KLHL13: variants seen among roughly 807,000 people sequenced by gnomAD.
KLHL13 encodes kelch like family member 13, also known as kelch-like protein 13.
In KLHL13, 10 loss-of-function variants were observed where a neutral mutation model predicts 37.1. The observed-to-expected ratio is 0.27, with a 90% CI of 0.17 to 0.46. The LOEUF is 0.46. KLHL13 is among the 20% of genes least tolerant of loss of function. KLHL13 has a pLI of 1.00. For synonymous variants in KLHL13, 163 were observed against 181.2 expected (o/e 0.90, Z 0.81); for missense variants, 360 against 509.3 (o/e 0.71, Z 2.82).
At chrX:118,116,613 G>GGCACCA (rs1163824981) in exon 1 of KLHL13, 1 of 111,948 alleles carries the variant, frequency 8.9e-6, no homozygotes, top group Non-Finnish European at 1.9e-5. Flanking sequence ...CCTGCTGCGA[G>GGCACCA]GCACCAGCAC....
At chrX:117,954,749 G>T (rs1446291073) in intron 1 of KLHL13, among the ~76,000 whole-genome samples, 1 of 112,108 alleles carries the variant, frequency 8.9e-6, no homozygotes, top group Non-Finnish European at 1.9e-5. Context: ...GTGCACAGAG[G>T]AAATAGTTAC....
At position 117,959,326 on chromosome X, in the gene KLHL13, C is replaced by T. The variant is rs986045188; in HGVS notation, c.98+13405G>A. ...TGATGCTAAGGGGTTATCTATTGGA[C>T]AATGATTCACAATTTAGTGTCATCC... On this transcript the variant is annotated intron_variant, in intron 1 of 6. Transcript: ENST00000262820. Among the ~76,000 whole-genome samples the T allele has an allele frequency of 2.7e-5, 3 of 111,754 alleles. No homozygotes were observed. In the Admixed American group the frequency reaches 2.9e-4, roughly 11 times the overall value.
intron 1 of KLHL13, among the ~76,000 whole-genome samples, chrX:118,112,934 C>T (rs915392880): frequency 1.8e-5 from 2 of 112,118 alleles, no homozygotes; most frequent in Non-Finnish European, 3.8e-5. Context: ...CTTAAAATTC[C>T]AAAGGCCCTT....
At chrX:118,081,986 A>ATCAGCTTTTCTTTATCCAG (rs1157748191) in intron 1 of KLHL13, among the ~76,000 whole-genome samples, 6 of 107,942 alleles carry the variant, frequency 5.6e-5, no homozygotes, top group African/African-American at 1.7e-4. Flanking sequence ...GTATACATAT[A>ATCAGCTTTTCTTTATCCAG]TCAGCTTTTC....
chrX:117,923,365 G>A (rs1931828899), intron 2 of KLHL13, among the ~76,000 whole-genome samples: 2 of 112,148 alleles, frequency 1.8e-5, no homozygotes, highest in Non-Finnish European at 3.8e-5. Flanking sequence ...CTAATGAGAT[G>A]AGTCTAGGTA....
chrX:118,106,067 A>AT (rs1228266636), intron 1 of KLHL13, among the ~76,000 whole-genome samples: 7,193 of 86,388 alleles, frequency 0.083, 316 homozygotes, highest in Middle Eastern at 0.16. Context: ...ACGCCCAGCT[A>AT]TTTTTTTTTT....
chrX:117,980,260 T>C (rs1184505632), intron 1 of KLHL13, among the ~76,000 whole-genome samples: 2 of 111,854 alleles, frequency 1.8e-5, no homozygotes, highest in African/African-American at 3.2e-5. Context: ...GCATATCACA[T>C]ACCAAATCTC....
At chrX:117,981,096 T>C (rs1166348538) in intron 1 of KLHL13, among the ~76,000 whole-genome samples, 1 of 112,117 alleles carries the variant, frequency 8.9e-6, no homozygotes, top group East Asian at 2.8e-4. Flanking sequence ...ATGCCAAGTG[T>C]ATGGTCATAG....
chrX:118,068,492 T>C (rs1271616157), intron 1 of KLHL13, among the ~76,000 whole-genome samples: 1 of 111,079 alleles, frequency 9.0e-6, no homozygotes, highest in African/African-American at 3.3e-5. Context: ...TGAGATAACC[T>C]GGGAACCAGA....
upstream of KLHL13, among the ~76,000 whole-genome samples, chrX:117,976,084 C>G (rs1375535825): frequency 9.0e-6 from 1 of 110,807 alleles, no homozygotes; most frequent in Non-Finnish European, 1.9e-5. Context: ...TTGTGGTACC[C>G]CAATAATTTT....
intron 1 of KLHL13, among the ~76,000 whole-genome samples, chrX:118,060,681 A>G (rs1179708858): frequency 9.0e-6 from 1 of 111,244 alleles, no homozygotes; most frequent in African/African-American, 3.3e-5. Context: ...TAAGTGGCTG[A>G]GTCAGAATTC....
intron 1 of KLHL13, among the ~76,000 whole-genome samples, chrX:118,096,830 CAT>C (rs2055212617): frequency 8.9e-6 from 1 of 111,783 alleles, no homozygotes; most frequent in Admixed American, 9.5e-5. Context: ...ACAAAAACCA[CAT>C]GATTATCTCA....
At chrX:117,902,434 A>C (rs1602526054) in intron 5 of KLHL13, among the ~76,000 whole-genome samples, 1 of 111,929 alleles carries the variant, frequency 8.9e-6, no homozygotes, top group Non-Finnish European at 1.9e-5. Context: ...CCACTGCTTT[A>C]ATTCATATAC....
intron 1 of KLHL13, among the ~76,000 whole-genome samples, chrX:117,966,974 C>G (rs1362279206): frequency 9.0e-6 from 1 of 111,631 alleles, no homozygotes; most frequent in Non-Finnish European, 1.9e-5. Flanking sequence ...AAAACCTAGG[C>G]AATACCATTC....
chrX:118,008,397 C>T (rs1044450195), intron 1 of KLHL13, among the ~76,000 whole-genome samples: 2 of 111,705 alleles, frequency 1.8e-5, no homozygotes, highest in Admixed American at 9.5e-5. Context: ...TTAGGGTAAA[C>T]GCCATAGGTG....
At chrX:118,076,467 C>T (rs2054929351) in intron 1 of KLHL13, among the ~76,000 whole-genome samples, 1 of 111,406 alleles carries the variant, frequency 9.0e-6, no homozygotes, top group Non-Finnish European at 1.9e-5. Context: ...TTAGATAAAA[C>T]TGCTTCCTTT....
chrX:117,974,910 T>C (rs2053578907), upstream of KLHL13, among the ~76,000 whole-genome samples: 1 of 111,722 alleles, frequency 9.0e-6, no homozygotes, highest in Non-Finnish European at 1.9e-5. Context: ...AGGGTTAAAT[T>C]ACATATCCAA....
chrX:118,047,026 A>T (rs1335618237), intron 1 of KLHL13, among the ~76,000 whole-genome samples: 1 of 111,936 alleles, frequency 8.9e-6, no homozygotes, highest in Non-Finnish European at 1.9e-5. Flanking sequence ...GAGGAATGCA[A>T]ATACAGCAGG....
chrX:117,984,295 T>A (rs2053698892), intron 1 of KLHL13, among the ~76,000 whole-genome samples: 1 of 111,509 alleles, frequency 9.0e-6, no homozygotes, highest in African/African-American at 3.3e-5. Context: ...TCTTAAAAAA[T>A]TAAAGTATGC....
Sources: gnomAD v4.1 joint callset for allele counts (sites outside exome capture counted in the v4.1 genomes callset) on GRCh38, gnomAD v4.1.1 for gene constraint, MANE v1.5 for transcripts, NCBI Gene and HGNC (gene_info 2026-07-23, HGNC 2026-07-21) for gene names.